The following REXO1 variants were observed in gnomAD, a reference collection of about 807,000 sequenced individuals.
REXO1 encodes REX1, RNA exonuclease 1 homolog.
REXO1 carries 42 observed loss-of-function variants against 102.6 expected under a neutral mutation model. The observed-to-expected ratio is 0.41, with a 90% CI of 0.32 to 0.53. The LOEUF (loss-of-function observed/expected upper bound fraction) is 0.53. REXO1 is among the 20% of genes least tolerant of loss of function. REXO1 has a pLI of 0.27. For missense variants in REXO1, 1,819 were observed against 1,732.5 expected, an observed-to-expected ratio of 1.05 and a Z score of -0.89; for synonymous variants, 908 against 779.1, an observed-to-expected ratio of 1.17 and a Z score of -2.76.
chr19:1,826,521 G>A lies in REXO1; in HGVS notation c.1911+357C>T, dbSNP rs1210285689. Among the ~76,000 whole-genome samples, 1 of 148,412 alleles carries A rather than the reference G, an allele frequency of 6.7e-6. No individual in the cohort carries two copies. The highest frequency in any genetic ancestry group is 2.1e-4 in the East Asian group (1 of 4,850). ...AAGAGAGGGGGAAGGGAGGAAAGGG[G>A]AGGCGAGGGGAGAGGGGCTAGAAGG... On this transcript the variant is annotated intron_variant, in intron 2 of 15. Transcript: ENST00000170168. This position sits in a 1 kb window ranked among gnomAD's most constrained non-coding sequence, Gnocchi z 4.3.
rs2069722242 is a variant in REXO1, at chr19:1,826,404, G to T, written c.1912-461C>A. Among the ~76,000 whole-genome samples the T allele has an allele frequency of 6.6e-6, 1 of 151,242 alleles. No individual in the cohort carries two copies. The highest frequency in any genetic ancestry group is 1.5e-5 in the Non-Finnish European group (1 of 67,840). ...GGAGTAGGGAGGAGGGAGGGGAGGA[G>T]AAAGGAGCCGGAGGGGATGAGGAGG... On this transcript the variant is annotated intron_variant, in intron 2 of 15. Coordinates refer to ENST00000170168, the MANE Select transcript of REXO1 (RefSeq NM_020695.4). This position sits in a 1 kb window ranked among gnomAD's most constrained non-coding sequence, Gnocchi z 4.3.
intron 3 of REXO1, chr19:1,824,076 A>C: frequency 5.9e-6 from 2 of 336,426 alleles, no homozygotes. Context: ...TGGCACTCCA[A>C]TCCAATCCCA....
chr19:1,825,262 T>C (rs2069674972), intron 3 of REXO1, among the ~76,000 whole-genome samples: 1 of 127,910 alleles, frequency 7.8e-6, no homozygotes, highest in Non-Finnish European at 1.6e-5. Flanking sequence ...ATCGTGCCAC[T>C]GCACTCCAGC....
At chr19:1,830,556 C>G (rs138349961) in intron 1 of REXO1, 64 of 157,562 alleles carry the variant, frequency 4.1e-4, no homozygotes, top group African/African-American at 1.4e-3. Flanking sequence ...CGTAACATCT[C>G]TAAAGGTCTC....
At chr19:1,845,575 G>T (rs1219227442) in intron 1 of REXO1, among the ~76,000 whole-genome samples, 1 of 152,216 alleles carries the variant, frequency 6.6e-6, no homozygotes, top group East Asian at 1.9e-4. Flanking sequence ...GAGCCAGGTG[G>T]ATCCCTTGAG....
intron 1 of REXO1, among the ~76,000 whole-genome samples, chr19:1,829,326 T>A (rs917099421): frequency 6.6e-6 from 1 of 151,786 alleles, no homozygotes; most frequent in African/African-American, 2.4e-5. Context: ...GCAGCCTCTA[T>A]CTCCCGAGTT....
At chr19:1,836,070 C>T (rs2070029908) in intron 1 of REXO1, among the ~76,000 whole-genome samples, 1 of 152,236 alleles carries the variant, frequency 6.6e-6, no homozygotes, top group African/African-American at 2.4e-5. Context: ...AGGCCATCTC[C>T]TGGCCCCCAA....
At position 1,827,738 on chromosome 19, in the gene REXO1, G is replaced by A. The variant is rs764137665; in HGVS notation, c.1051C>T (p.Pro351Ser). ...AVQCDVGDLQ[P>S]PPAKPASPAQ... The stretch of plus-strand genomic sequence containing the variant: ...GGGGAGGCGGGCTTGGCTGGGGGCG[G>A]CTGGAGGTCCCCCACGTCGCACTGC... The change falls in exon 2 of 16, where the codon CCG (proline) becomes TCG (serine). Residue 351 changes from proline (P) to serine (S), a missense_variant. Transcript: ENST00000170168. 4 of 1,570,016 alleles carry A rather than the reference G, an allele frequency of 2.5e-6. No individual in the cohort carries two copies. The highest frequency in any genetic ancestry group is 2.6e-6 in the Non-Finnish European group (3 of 1,168,708).
chr19:1,818,502 C>G lies in REXO1; in HGVS notation c.2996G>C (p.Gly999Ala), dbSNP rs1478349519. 6 of 1,609,240 alleles carry G rather than the reference C, an allele frequency of 3.7e-6. No homozygotes were observed. In the African/African-American group the frequency reaches 8.0e-5, roughly 22 times the overall value. Residue 999 changes from glycine to alanine, a missense_variant, in exon 10 of 16, where the codon GGA becomes GCA. Physicochemically the swap from Gly to Ala is moderately conservative, Grantham distance 60. Coordinates refer to ENST00000170168, the MANE Select transcript of REXO1 (RefSeq NM_020695.4). ...CTTACCCCGGTTCCGGCGCAGCCGT[C>G]CCCAGTGGTAATAACACTCCTCGTC... ...IRDEECYYHW[G>A]RLRRNRVAGG...
intron 1 of REXO1, among the ~76,000 whole-genome samples, chr19:1,830,271 G>T (rs2069867093): frequency 6.6e-6 from 1 of 152,242 alleles, no homozygotes; most frequent in Non-Finnish European, 1.5e-5. Flanking sequence ...CACTTTGGGA[G>T]GCTGAGGCGG....
chr19:1,838,194 A>G (rs375022730), intron 1 of REXO1, among the ~76,000 whole-genome samples: 184 of 151,974 alleles, frequency 1.2e-3, no homozygotes, highest in African/African-American at 4.3e-3. Flanking sequence ...GGGGGTGCCT[A>G]TAACCCCAGC....
In REXO1 at chr19:1,815,555, C is replaced by G; in HGVS notation, c.*511G>C. On this transcript the variant is annotated 3_prime_UTR_variant, in exon 16 of 16. Coordinates refer to ENST00000170168, the MANE Select transcript of REXO1 (RefSeq NM_020695.4). The surrounding 1 kb of genome is among the most constrained non-coding windows in gnomAD (Gnocchi z 4.0). ...GCCCTGGCCCCCACTGGGGTCTGTC[C>G]CACCCCCACCCCGCAGGAGGGAAGG... The G allele has an allele frequency of 5.0e-6, 3 of 596,714 alleles. No homozygotes were observed. The highest frequency in any genetic ancestry group is 7.1e-6 in the Non-Finnish European group (3 of 421,176). The allele number at this position is 596,714 out of a possible 1,614,324, so 37.0% of individuals were successfully genotyped here. A position where few individuals can be genotyped will look rare whatever the true frequency, so the allele number is the denominator to read the frequency against.
In REXO1 at chr19:1,816,296, A is replaced by C; in HGVS notation, c.3506T>G (p.Leu1169Arg). ...CAGGGACCGCTTGTAGGGGAGGCCC[A>C]GGCGGTGGGGGAAGAGCACAGACGT... ...VDTSVLFPHR[L>R]GLPYKRSLRN... is the part of the protein sequence containing the mutation. Residue 1169 changes from leucine (L) to arginine (R), a missense_variant, in exon 15 of 16, where the codon CTG becomes CGG. Transcript: ENST00000170168. 4 of 1,588,926 alleles carry C rather than the reference A, an allele frequency of 2.5e-6. No individual in the cohort carries two copies. The highest frequency in any genetic ancestry group is 2.6e-6 in the Non-Finnish European group (3 of 1,168,184).
At chr19:1,833,807 G>A (rs1021125315) in intron 1 of REXO1, among the ~76,000 whole-genome samples, 1 of 152,252 alleles carries the variant, frequency 6.6e-6, no homozygotes, top group Non-Finnish European at 1.5e-5. Context: ...ACGTGGAGGG[G>A]CCAGGCCAAG....
chr19:1,821,055 ACCG>A (rs2145246313), intron 5 of REXO1, among the ~76,000 whole-genome samples: 1 of 150,460 alleles, frequency 6.6e-6, no homozygotes, highest in East Asian at 2.0e-4. Flanking sequence ...ACAAAAAAAC[ACCG>A]CCAGGGCGGT....
chr19:1,834,537 G>A (rs538812503), intron 1 of REXO1, among the ~76,000 whole-genome samples: 25 of 152,168 alleles, frequency 1.6e-4, no homozygotes, highest in South Asian at 6.2e-4. Flanking sequence ...CCTCAGCCTC[G>A]CAAGTAGCTG....
intron 1 of REXO1, among the ~76,000 whole-genome samples, chr19:1,832,167 G>A (rs1433587128): frequency 6.6e-6 from 1 of 152,222 alleles, no homozygotes; most frequent in Non-Finnish European, 1.5e-5. Flanking sequence ...GGTTTGAAGG[G>A]GAGGAAGGCG....
chr19:1,835,897 C>G (rs1223800368), intron 1 of REXO1, among the ~76,000 whole-genome samples: 1 of 152,222 alleles, frequency 6.6e-6, no homozygotes, highest in Non-Finnish European at 1.5e-5. Context: ...CAACGCAGCC[C>G]AGCCTTGTCC....
chr19:1,842,391 G>A (rs1450685320), intron 1 of REXO1, among the ~76,000 whole-genome samples: 1 of 152,240 alleles, frequency 6.6e-6, no homozygotes, highest in East Asian at 1.9e-4. Context: ...CTCTGTGCCT[G>A]CACCCCCAAA....
Sources: allele counts gnomAD v4.1 joint callset (sites outside exome capture counted in the v4.1 genomes callset), GRCh38; gene constraint gnomAD v4.1.1; non-coding constraint Gnocchi (gnomAD v3.1); transcripts MANE v1.5; gene names NCBI Gene and HGNC (gene_info 2026-07-23, HGNC 2026-07-21).